Variants in ROBO2 observed in about 807,000 individuals in gnomAD.
The protein encoded by ROBO2 is roundabout guidance receptor 2, also known as roundabout homolog 2.
In ROBO2, 53 loss-of-function variants were observed where a neutral mutation model predicts 160.8. That is an observed-to-expected ratio of 0.33 (90% CI 0.26 to 0.41). The LOEUF (loss-of-function observed/expected upper bound fraction) is 0.41. Ranked by LOEUF, ROBO2 falls within the 10% of genes least tolerant of loss-of-function variation. The probability of loss-of-function intolerance (pLI) is 1.00; values close to 1 mark genes in which losing one functional copy is unlikely to be tolerated. For missense variants in ROBO2, 1,577 were observed against 1,722.4 expected, an observed-to-expected ratio of 0.92 and a Z score of 1.49; for synonymous variants, 664 against 611.7, an observed-to-expected ratio of 1.09 and a Z score of -1.26.
At chr3:76,820,782 C>T (rs1044530265) in intron 2 of ROBO2, among the ~76,000 whole-genome samples, 5 of 151,892 alleles carry the variant, frequency 3.3e-5, no homozygotes, top group Admixed American at 6.6e-5. Context: ...GATTCTGTAT[C>T]TGCTTCGTTA....
chr3:77,597,560 T>C (rs778054922), intron 19 of ROBO2, among the ~76,000 whole-genome samples: 1 of 152,074 alleles, frequency 6.6e-6, no homozygotes, highest in Non-Finnish European at 1.5e-5. Context: ...GAGTTTTCCG[T>C]TGGTGGAAGA....
chr3:76,690,276 T>C (rs1488819682), intron 2 of ROBO2, among the ~76,000 whole-genome samples: 1 of 152,120 alleles, frequency 6.6e-6, no homozygotes, highest in East Asian at 1.9e-4. Context: ...ATGACCTGAA[T>C]GTGTCCACCC....
chr3:77,113,718 T>C (rs2073918107), intron 2 of ROBO2, among the ~76,000 whole-genome samples: 1 of 152,216 alleles, frequency 6.6e-6, no homozygotes, highest in South Asian at 2.1e-4. Flanking sequence ...CATGATTCAT[T>C]CTTATTTAAG....
intron 2 of ROBO2, among the ~76,000 whole-genome samples, chr3:76,529,606 T>G (rs2082119733): frequency 6.6e-6 from 1 of 152,146 alleles, no homozygotes; most frequent in African/African-American, 2.4e-5. Context: ...TTCAATGAGA[T>G]GATGTTTGTT....
intron 1 of ROBO2, among the ~76,000 whole-genome samples, chr3:77,054,374 A>G (rs1043420094): frequency 6.6e-6 from 1 of 152,198 alleles, no homozygotes; most frequent in Non-Finnish European, 1.5e-5. Context: ...ACTTGTATGC[A>G]GAAACCTATA....
At chr3:76,380,121 G>T (rs536042966) in intron 2 of ROBO2, among the ~76,000 whole-genome samples, 1 of 151,736 alleles carries the variant, frequency 6.6e-6, no homozygotes, top group African/African-American at 2.4e-5. Context: ...GGAATACAAT[G>T]GTTTGTTTCA....
At chr3:76,249,724 C>G (rs1705866351) in intron 2 of ROBO2, among the ~76,000 whole-genome samples, 1 of 152,062 alleles carries the variant, frequency 6.6e-6, no homozygotes, top group South Asian at 2.1e-4. Context: ...AAAAGACAGA[C>G]AATTCCACAA....
chr3:76,300,639 A>T (rs1053463316), intron 2 of ROBO2, among the ~76,000 whole-genome samples: 1 of 150,228 alleles, frequency 6.7e-6, no homozygotes, highest in Non-Finnish European at 1.5e-5. Flanking sequence ...TATATATATA[A>T]ATATAGCAAT....
chr3:77,106,290 T>A (rs3934808), intron 2 of ROBO2, among the ~76,000 whole-genome samples: 5 of 151,932 alleles, frequency 3.3e-5, no homozygotes, highest in Non-Finnish European at 5.9e-5. Context: ...CAATCCTCTC[T>A]CATTGGCCTC....
chr3:77,097,342 T>G (rs2150068867), intron 1 of ROBO2, among the ~76,000 whole-genome samples: 1 of 152,208 alleles, frequency 6.6e-6, no homozygotes, highest in East Asian at 1.9e-4. Context: ...TAATTTAGGG[T>G]TAACTTTTAC....
At chr3:77,048,001 C>T (rs1175387334) in intron 1 of ROBO2, among the ~76,000 whole-genome samples, 3 of 151,978 alleles carry the variant, frequency 2.0e-5, no homozygotes, top group South Asian at 2.1e-4. Context: ...GAGCCGAGAT[C>T]GCGCCACTGC....
At chr3:76,963,319 C>A (rs1400318155) in intron 2 of ROBO2, among the ~76,000 whole-genome samples, 1 of 151,946 alleles carries the variant, frequency 6.6e-6, no homozygotes, top group African/African-American at 2.4e-5. Flanking sequence ...TTCTAGCTAG[C>A]TATTTTAAAG....
In ROBO2 at chr3:76,055,788, C is replaced by A. The variant is rs973444302; in HGVS notation, c.109+118186C>A. On this transcript the variant is annotated intron_variant, in intron 2 of 26. Transcript: ENST00000487694. Reference sequence around the variant, plus strand: ...ATTTATTTATTTTTTGAGACGGAGTCTCGCTCTGTCGGCAGGCTGGAGTGC... The same window carrying A: ...ATTTATTTATTTTTTGAGACGGAGTATCGCTCTGTCGGCAGGCTGGAGTGC... Among the ~76,000 whole-genome samples, 31 of 152,220 alleles carry A rather than the reference C, an allele frequency of 2.0e-4. 1 individual carries two copies. Among genetic ancestry groups the A allele is most frequent in the South Asian group, 8.3e-4 (4 of 4,824 alleles).
chr3:76,855,717 TTTTA>T (rs542658214), intron 2 of ROBO2, among the ~76,000 whole-genome samples: 45 of 152,348 alleles, frequency 3.0e-4, no homozygotes, highest in African/African-American at 1.0e-3. Flanking sequence ...AGTTTGACAT[TTTTA>T]TTTAATTTCC....
intron 2 of ROBO2, among the ~76,000 whole-genome samples, chr3:76,223,451 C>A (rs1704102095): frequency 6.6e-6 from 1 of 151,854 alleles, no homozygotes; most frequent in African/African-American, 2.4e-5. Context: ...TTGGAGAAGC[C>A]ACAACCACTG....
At chr3:75,969,805 C>T (rs774426250) in intron 2 of ROBO2, among the ~76,000 whole-genome samples, 9 of 151,446 alleles carry the variant, frequency 5.9e-5, no homozygotes, top group East Asian at 2.0e-4. Flanking sequence ...ATCTGACATA[C>T]GGTTTGTAAA....
At chr3:77,512,297 T>G (rs1281923939) in intron 5 of ROBO2, among the ~76,000 whole-genome samples, 1 of 152,074 alleles carries the variant, frequency 6.6e-6, no homozygotes, top group Non-Finnish European at 1.5e-5. Flanking sequence ...AAGATATTAC[T>G]TGAAAAATTG....
intron 1 of ROBO2, among the ~76,000 whole-genome samples, chr3:75,926,853 C>T (rs1396250585): frequency 2.0e-5 from 3 of 152,184 alleles, no homozygotes; most frequent in African/African-American, 4.8e-5. Flanking sequence ...GAAGCTCAGT[C>T]GAACTTGGCA....
chr3:77,252,821 A>ATATATATAT (rs1168712165), intron 2 of ROBO2, among the ~76,000 whole-genome samples: 2 of 38,678 alleles, frequency 5.2e-5, no homozygotes, highest in Non-Finnish European at 8.2e-5. Context: ...AAAAAAAAAA[A>ATATATATAT]AAAAAAAAAA....
Sources: allele counts gnomAD v4.1 joint callset (sites outside exome capture counted in the v4.1 genomes callset), GRCh38; gene constraint gnomAD v4.1.1; transcripts MANE v1.5; gene names NCBI Gene and HGNC (gene_info 2026-07-23, HGNC 2026-07-21).